Variants in ENO4 observed in about 807,000 individuals in gnomAD.
The protein encoded by ENO4 is enolase 4.
A neutral mutation model predicts 63.2 loss-of-function variants in ENO4; 53 were observed. The ratio of observed to expected loss-of-function variants is 0.84; its 90% CI spans 0.67 to 1.05. The LOEUF is 1.05. Among genes scored for constraint, ENO4 ranks in the 50% least tolerant of loss-of-function variants. The pLI is 0.00. For missense variants in ENO4, 719 were observed against 772.0 expected (o/e 0.93, Z 0.81); for synonymous variants, 266 against 283.8 (o/e 0.94, Z 0.63).
chr10:116,862,728 C>T (rs189147503), intron 6 of ENO4, 71 bp from the exon 7 acceptor site: 23 of 1,079,260 alleles, frequency 2.1e-5, no homozygotes, highest in African/African-American at 4.7e-5. Flanking sequence ...GAAATAGCCA[C>T]GTGTTATAAG....
At chr10:116,864,630 CA>C (rs1385576168) in intron 7 of ENO4, among the ~76,000 whole-genome samples, 9 of 152,156 alleles carry the variant, frequency 5.9e-5, no homozygotes, top group African/African-American at 2.2e-4. Context: ...CTCCCACAAC[CA>C]CCTCCTACAG....
intron 10 of ENO4, among the ~76,000 whole-genome samples, chr10:116,889,896 A>G (rs1390706949): frequency 6.6e-6 from 1 of 151,770 alleles, no homozygotes; most frequent in East Asian, 1.9e-4. Context: ...CACTAGGTCC[A>G]CTCTTGGCTC....
At chr10:116,899,544 T>TGTGTGTGTGTGTGA (rs1564865093) in intron 10 of ENO4, among the ~76,000 whole-genome samples, 2 of 99,164 alleles carry the variant, frequency 2.0e-5, no homozygotes, top group African/African-American at 6.2e-5. Context: ...TGTGTGTGTG[T>TGTGTGTGTGTGTGA]GTGAGAGAGT....
chr10:116,885,509 G>A (rs1219311183), downstream of ENO4: 1 of 152,544 alleles, frequency 6.6e-6, no homozygotes, highest in Non-Finnish European at 1.5e-5. Flanking sequence ...AGAAAAATGT[G>A]TGCTTGTCAC....
chr10:116,853,287 T>G (rs1589746609), intron 1 of ENO4, among the ~76,000 whole-genome samples: 1 of 95,790 alleles, frequency 1.0e-5, no homozygotes, highest in African/African-American at 4.0e-5. Flanking sequence ...AGAGTGAGAC[T>G]CCGTCTCAAA....
chr10:116,903,701 G>A (rs1847844346), intron 10 of ENO4, among the ~76,000 whole-genome samples: 1 of 152,054 alleles, frequency 6.6e-6, no homozygotes, highest in Admixed American at 6.6e-5. Context: ...TCTGCCCTTG[G>A]GTAAGCGTTG....
At chr10:116,893,576 G>GCACACA (rs6144113) in intron 10 of ENO4, among the ~76,000 whole-genome samples, 5 of 123,522 alleles carry the variant, frequency 4.0e-5, no homozygotes, top group African/African-American at 1.3e-4. Flanking sequence ...GCACTCATGT[G>GCACACA]CACACACACA....
At position 116,911,498 on chromosome 10, in the gene ENO4, G is replaced by C; in HGVS notation, c.1195-1G>C. On this transcript the variant is annotated splice_acceptor_variant, in intron 10 of 10. Transcript: ENST00000369207. LOFTEE classifies it high-confidence loss of function. ...ATGTACGGACCCTTACATATGGCCA[G>C]CCACTTCATCTTCAAGCTGTGATGC... 3.9e-6 allele frequency: 6 copies of C among 1,550,436 alleles called. No homozygotes were observed. The highest frequency in any genetic ancestry group is 5.2e-6 in the Non-Finnish European group (6 of 1,146,960).
chr10:116,866,085 C>A (rs1464613953), intron 7 of ENO4, among the ~76,000 whole-genome samples: 6 of 152,220 alleles, frequency 3.9e-5, no homozygotes, highest in African/African-American at 1.4e-4. Context: ...AATCCATGAT[C>A]TTAATCAGAT....
chr10:116,879,976 TG>T lies in ENO4; in HGVS notation c.1715del (p.Gly572GlufsTer43). The T allele has an allele frequency of 3.2e-6, 5 of 1,547,694 alleles. No individual in the cohort carries two copies. Among genetic ancestry groups the T allele is most frequent in the Non-Finnish European group, 3.5e-6 (4 of 1,144,266 alleles). ...CTATAGAGGAAGAACTTGTCCAGAA[TG>T]GAACACTGGGTATGCGCTGCTTTCT... Reference protein sequence around the residue: ...LTIEEELVQNGTLGFKEEHTF... With the variant: ...LTIEEELVQNXTLGFKEEHTF... On this transcript the variant is annotated frameshift_variant, in exon 13 of 14. Coordinates refer to ENST00000341276, the MANE Select transcript of ENO4 (RefSeq NM_001242699.2). LOFTEE classifies it low-confidence loss of function (END_TRUNC).
downstream of ENO4, chr10:116,886,024 G>A (rs1847151959): frequency 3.2e-6 from 1 of 314,100 alleles, no homozygotes; most frequent in African/African-American, 2.1e-5. Context: ...TTTGATGAGT[G>A]GTATGCACAT....
intron 1 of ENO4, 71 bp from the exon 2 acceptor site, chr10:116,855,552 T>C: frequency 4.6e-6 from 7 of 1,517,164 alleles, no homozygotes; most frequent in South Asian, 3.6e-5. Flanking sequence ...AAAGTAGATA[T>C]GGTATTGTGA....
intron 6 of ENO4, among the ~76,000 whole-genome samples, chr10:116,862,154 C>T (rs923087871): frequency 5.9e-5 from 9 of 152,124 alleles, no homozygotes; most frequent in African/African-American, 9.7e-5. Context: ...TGATCTGTGA[C>T]ATGTATTGTG....
chr10:116,890,589 CAAAACCA>C (rs762857319), intron 10 of ENO4, among the ~76,000 whole-genome samples: 23 of 152,152 alleles, frequency 1.5e-4, no homozygotes, highest in Non-Finnish European at 2.6e-4. Flanking sequence ...TATTTCAAGA[CAAAACCA>C]AAAACCAAAA....
intron 12 of ENO4, among the ~76,000 whole-genome samples, 180 bp from the exon 13 acceptor site, chr10:116,879,689 A>T (rs1425524619): frequency 6.6e-6 from 1 of 152,212 alleles, no homozygotes; most frequent in East Asian, 1.9e-4. Flanking sequence ...CAGCCACATC[A>T]TCTGTTTGCC....
chr10:116,883,237 A>T (rs200496900), downstream of ENO4: 6 of 152,128 alleles, frequency 3.9e-5, no homozygotes, highest in East Asian at 1.2e-3. Context: ...GGTGCTAGGC[A>T]CTCTTTCTAC....
At chr10:116,850,027 A>T (rs1846027817) in intron 1 of ENO4, 2 of 545,072 alleles carry the variant, frequency 3.7e-6, no homozygotes, top group Non-Finnish European at 6.6e-6. Context: ...GCTGCCTAAG[A>T]GGCCTCTCCG....
chr10:116,903,888 A>AT (rs1847854412), intron 10 of ENO4, among the ~76,000 whole-genome samples: 1 of 152,210 alleles, frequency 6.6e-6, no homozygotes, highest in African/African-American at 2.4e-5. Flanking sequence ...GAGTATTATT[A>AT]TTGCATCCTG....
intron 10 of ENO4, chr10:116,908,050 A>C (rs925604248): frequency 9.6e-5 from 42 of 437,244 alleles, no homozygotes; most frequent in African/African-American, 7.0e-4. Flanking sequence ...CAAATCTCAT[A>C]ATTAACCTCT....
Sources: allele counts gnomAD v4.1 joint callset (sites outside exome capture counted in the v4.1 genomes callset), GRCh38; gene constraint gnomAD v4.1.1; transcripts MANE v1.5; gene names NCBI Gene and HGNC (gene_info 2026-07-23, HGNC 2026-07-21).